The following KLRF1 variants were observed in gnomAD, a reference collection of about 807,000 sequenced individuals.
The protein encoded by KLRF1 is killer cell lectin like receptor F1, also known as killer cell lectin-like receptor subfamily F member 1.
A neutral mutation model predicts 30.7 loss-of-function variants in KLRF1; 27 were observed. The ratio of observed to expected loss-of-function variants is 0.88; its 90% CI spans 0.65 to 1.21. The LOEUF (loss-of-function observed/expected upper bound fraction) is 1.21, where lower values mean the gene tolerates loss of function less well. Among genes scored for constraint, KLRF1 ranks in the 50% most tolerant of loss-of-function variants. KLRF1 has a pLI of 0.00. For missense variants in KLRF1, 246 were observed against 259.3 expected (o/e 0.95, Z 0.35); for synonymous variants, 92 against 89.3 (o/e 1.03, Z -0.17).
chr12:9,833,528 A>G, intron 3 of KLRF1, 76 bp downstream of exon 3: 1 of 1,232,264 alleles, frequency 8.1e-7, no homozygotes, highest in Non-Finnish European at 1.1e-6. Context: ...TTGAACAGGT[A>G]TGCAATAGAT....
intron 3 of KLRF1, among the ~76,000 whole-genome samples, chr12:9,834,467 C>T (rs1325013879): frequency 6.6e-6 from 1 of 151,860 alleles, no homozygotes; most frequent in Admixed American, 6.6e-5. Flanking sequence ...AGGGCTTCTT[C>T]GAGCGGGATT....
At chr12:9,802,228 G>C in the KLRF1 span, among the ~76,000 whole-genome samples, 4 of 151,942 alleles carry the variant, frequency 2.6e-5, no homozygotes, top group African/African-American at 9.7e-5. Flanking sequence ...CAGAACCAAT[G>C]ACAAAAATCA....
Position 9,833,372 on chromosome 12 carries a change from G to A in KLRF1, c.254G>A (p.Gly85Glu). The change falls in exon 3 of 6, where the codon GGA becomes GAA. Residue 85 changes from glycine (G) to glutamate (E), a missense_variant. Transcript: ENST00000617889. ...AATGCCACTCAGTATGAGGACACTGGAGATCTAAAAGTGAATAATGGCACA... is the reference window on the plus strand; with the variant it reads ...AATGCCACTCAGTATGAGGACACTGAAGATCTAAAAGTGAATAATGGCACA... The part of the protein sequence containing the change: ...CSNATQYEDT[G>E]DLKVNNGTRR... 1.6e-5 allele frequency: 25 copies of A among 1,611,806 alleles called. No homozygotes were observed. Among genetic ancestry groups the A allele is most frequent in the Non-Finnish European group, 2.1e-5 (25 of 1,178,826 alleles).
chr12:9,804,969 A>G, the KLRF1 span, among the ~76,000 whole-genome samples: 1 of 151,960 alleles, frequency 6.6e-6, no homozygotes, highest in East Asian at 1.9e-4. Flanking sequence ...GATACATTCT[A>G]TTTGATCATT....
chr12:9,809,342 G>T, the KLRF1 span, among the ~76,000 whole-genome samples: 3 of 152,052 alleles, frequency 2.0e-5, no homozygotes, highest in Non-Finnish European at 2.9e-5. Flanking sequence ...CCAATTCTTT[G>T]AAATAATTTT....
chr12:9,822,779 A>G (rs2121177994), upstream of KLRF1, among the ~76,000 whole-genome samples: 1 of 152,240 alleles, frequency 6.6e-6, no homozygotes, highest in African/African-American at 2.4e-5. Context: ...GGAAAATCTA[A>G]CAAGCAAATG....
the KLRF1 span, chr12:9,817,961 T>C: frequency 9.5e-6 from 2 of 209,878 alleles, no homozygotes; most frequent in Admixed American, 5.0e-5. Context: ...AGTTTGGTCC[T>C]CATCATACGA....
intron 1 of KLRF1, among the ~76,000 whole-genome samples, chr12:9,828,402 A>G (rs1867332154): frequency 6.6e-6 from 1 of 151,750 alleles, no homozygotes; most frequent in African/African-American, 2.4e-5. Context: ...TTTTTAATTC[A>G]ACTTCTCAAA....
At chr12:9,802,650 A>T in the KLRF1 span, among the ~76,000 whole-genome samples, 1 of 152,116 alleles carries the variant, frequency 6.6e-6, no homozygotes, top group Non-Finnish European at 1.5e-5. Flanking sequence ...AATCACAAGC[A>T]TTCATATACA....
the KLRF1 span, chr12:9,817,635 C>T: frequency 6.0e-4 from 169 of 282,746 alleles, 3 homozygotes; most frequent in South Asian, 4.8e-3. Flanking sequence ...CTGTCCCTTA[C>T]CAGCAGGTGT....
At chr12:9,812,395 G>T in the KLRF1 span, among the ~76,000 whole-genome samples, 1 of 151,324 alleles carries the variant, frequency 6.6e-6, no homozygotes, top group South Asian at 2.1e-4. Flanking sequence ...AAAAAAGATT[G>T]GGTTCTTTTT....
intron 3 of KLRF1, among the ~76,000 whole-genome samples, chr12:9,837,167 A>T (rs1264535435): frequency 6.6e-6 from 1 of 152,076 alleles, no homozygotes; most frequent in Admixed American, 6.6e-5. Context: ...CTTTCGGTCT[A>T]TATGGATTTA....
At chr12:9,826,130 A>C (rs1462138900), upstream of KLRF1, among the ~76,000 whole-genome samples, 2 of 152,138 alleles carry the variant, frequency 1.3e-5, no homozygotes, top group African/African-American at 2.4e-5. Flanking sequence ...TTAAAATTTT[A>C]TTTTAAATTT....
At chr12:9,829,471 G>T (rs1224907178) in intron 1 of KLRF1, among the ~76,000 whole-genome samples, 1 of 151,914 alleles carries the variant, frequency 6.6e-6, no homozygotes, top group Non-Finnish European at 1.5e-5. Context: ...TATAATGAGG[G>T]GCCAAGTGTG....
At chr12:9,802,208 G>A in the KLRF1 span, among the ~76,000 whole-genome samples, 1,381 of 151,954 alleles carry the variant, frequency 9.1e-3, 17 homozygotes, top group African/African-American at 0.031. Flanking sequence ...AATGTAATCC[G>A]TCACATAAAC....
At chr12:9,835,180 A>G (rs919724439) in intron 3 of KLRF1, among the ~76,000 whole-genome samples, 2 of 152,106 alleles carry the variant, frequency 1.3e-5, no homozygotes, top group Non-Finnish European at 2.9e-5. Flanking sequence ...TTTGGGAGTA[A>G]GGAAAACTAG....
intron 3 of KLRF1, among the ~76,000 whole-genome samples, chr12:9,836,447 G>T (rs1867579884): frequency 6.6e-6 from 1 of 152,050 alleles, no homozygotes; most frequent in African/African-American, 2.4e-5. Context: ...CCCTCTTAGA[G>T]TGGATAGGTG....
the KLRF1 span, among the ~76,000 whole-genome samples, chr12:9,812,577 A>C: frequency 0.095 from 14,432 of 151,998 alleles, 832 homozygotes; most frequent in East Asian, 0.23. Context: ...GGGAAGGAAA[A>C]CTTATGGCAA....
chr12:9,843,877 C>G (rs1427950920), intron 5 of KLRF1, among the ~76,000 whole-genome samples: 1 of 152,052 alleles, frequency 6.6e-6, no homozygotes, highest in East Asian at 1.9e-4. Flanking sequence ...CAGAATGTAT[C>G]ACTAACACTA....
Sources: allele counts gnomAD v4.1 joint callset (sites outside exome capture counted in the v4.1 genomes callset), GRCh38; gene constraint gnomAD v4.1.1; transcripts MANE v1.5; gene names NCBI Gene and HGNC (gene_info 2026-07-23, HGNC 2026-07-21).